Variants in CDH12 observed in about 807,000 individuals in gnomAD.
The protein encoded by CDH12 is cadherin 12.
Under a neutral mutation model 74.1 loss-of-function variants are expected in CDH12, and 41 were observed. The ratio of observed to expected loss-of-function variants is 0.55; its 90% CI spans 0.43 to 0.72. CDH12 has a LOEUF of 0.72. Ranked by LOEUF, CDH12 falls within the 30% of genes least tolerant of loss-of-function variation. The probability of loss-of-function intolerance (pLI) is 0.00; values close to 1 mark genes in which losing one functional copy is unlikely to be tolerated. For missense variants in CDH12, 945 were observed against 977.2 expected, an observed-to-expected ratio of 0.97 and a Z score of 0.44; for synonymous variants, 399 against 355.0, an observed-to-expected ratio of 1.12 and a Z score of -1.39.
At chr5:22,209,159 T>C (rs1751392747) in intron 4 of CDH12, among the ~76,000 whole-genome samples, 1 of 152,194 alleles carries the variant, frequency 6.6e-6, no homozygotes, top group Non-Finnish European at 1.5e-5. Context: ...TCCTTGGATA[T>C]GACAGCTAAT....
chr5:22,538,989 G>A (rs539422335), intron 1 of CDH12, among the ~76,000 whole-genome samples: 2 of 152,248 alleles, frequency 1.3e-5, no homozygotes, highest in Non-Finnish European at 2.9e-5. Context: ...TCAAACTCCT[G>A]GGCTCAAGTG....
chr5:22,549,827 A>G (rs1266955098), intron 1 of CDH12, among the ~76,000 whole-genome samples: 1 of 152,216 alleles, frequency 6.6e-6, no homozygotes, highest in Non-Finnish European at 1.5e-5. Context: ...GCTGAACTGA[A>G]AGGGAAATAT....
chr5:22,645,145 G>A (rs929563242), intron 1 of CDH12, among the ~76,000 whole-genome samples: 2 of 152,092 alleles, frequency 1.3e-5, no homozygotes, highest in East Asian at 3.9e-4. Flanking sequence ...TAAAGCAATA[G>A]TTGCCATAGA....
At position 22,338,173 on chromosome 5, in the gene CDH12, T is replaced by C. The variant is rs140218674; in HGVS notation, c.-333+67084A>G. On this transcript the variant is annotated intron_variant, in intron 3 of 14. Coordinates refer to ENST00000382254, the MANE Select transcript of CDH12 (RefSeq NM_004061.5). ...CTAAGATTTGGAAGAAACCTAAGTG[T>C]CCATCTACAGATGAACTGATTAAAA... is the stretch of plus-strand genomic sequence containing the variant. Among the ~76,000 whole-genome samples the C allele has an allele frequency of 8.5e-5, 13 of 152,294 alleles. No homozygotes were observed. In the East Asian group the frequency reaches 2.5e-3, roughly 29 times the overall value.
intron 2 of CDH12, among the ~76,000 whole-genome samples, chr5:22,408,257 G>A (rs1178679675): frequency 6.8e-6 from 1 of 147,162 alleles, no homozygotes; most frequent in Non-Finnish European, 1.5e-5. Flanking sequence ...CATAGATAGA[G>A]TTTCAGAGAC....
At chr5:22,658,994 A>C (rs1740209748) in intron 1 of CDH12, among the ~76,000 whole-genome samples, 1 of 152,168 alleles carries the variant, frequency 6.6e-6, no homozygotes, top group Non-Finnish European at 1.5e-5. Flanking sequence ...TGCAGTAACA[A>C]GTAAATTTAT....
chr5:21,880,687 C>CTTTCTTTCTTT (rs1752302497), intron 6 of CDH12, among the ~76,000 whole-genome samples: 1 of 106,724 alleles, frequency 9.4e-6, no homozygotes, highest in Middle Eastern at 5.3e-3. Flanking sequence ...TTCTTTCTTT[C>CTTTCTTTCTTT]TTTCTCTTTT....
intron 6 of CDH12, among the ~76,000 whole-genome samples, chr5:21,965,206 G>T (rs1756526664): frequency 6.6e-6 from 1 of 151,886 alleles, no homozygotes; most frequent in Non-Finnish European, 1.5e-5. Context: ...TAATCTTATA[G>T]CAAAGTTTCT....
At chr5:22,151,336 G>A (rs1391198590) in intron 4 of CDH12, among the ~76,000 whole-genome samples, 2 of 152,110 alleles carry the variant, frequency 1.3e-5, no homozygotes, top group East Asian at 1.9e-4. Context: ...CTGTAAGAAC[G>A]AGGCATTATG....
chr5:22,271,255 C>T (rs887878766), intron 3 of CDH12, among the ~76,000 whole-genome samples: 1 of 152,128 alleles, frequency 6.6e-6, no homozygotes, highest in Non-Finnish European at 1.5e-5. Flanking sequence ...TAGATTCTAG[C>T]TCAAGAAATC....
At chr5:21,955,101 T>C (rs1756035743) in intron 6 of CDH12, among the ~76,000 whole-genome samples, 1 of 152,064 alleles carries the variant, frequency 6.6e-6, no homozygotes, top group Non-Finnish European at 1.5e-5. Flanking sequence ...ATTTTCAGGT[T>C]CTGCGTTTGA....
chr5:21,808,236 C>G (rs780033566), intron 9 of CDH12, among the ~76,000 whole-genome samples: 21 of 152,024 alleles, frequency 1.4e-4, no homozygotes, highest in Admixed American at 6.6e-5. Flanking sequence ...ATCATAGCCC[C>G]AATCACGCCT....
intron 1 of CDH12, among the ~76,000 whole-genome samples, chr5:22,622,895 G>A (rs1409126622): frequency 6.6e-6 from 1 of 152,124 alleles, no homozygotes; most frequent in African/African-American, 2.4e-5. Context: ...CAATATCCCT[G>A]ATGAACATCG....
intron 8 of CDH12, among the ~76,000 whole-genome samples, chr5:21,833,244 A>ATG (rs1463535051): frequency 2.2e-5 from 1 of 46,206 alleles, no homozygotes; most frequent in Non-Finnish European, 3.1e-5. Context: ...TATAATATAT[A>ATG]TTATATATTA....
chr5:22,687,187 G>A (rs561620260), intron 1 of CDH12, among the ~76,000 whole-genome samples: 61 of 152,130 alleles, frequency 4.0e-4, no homozygotes, highest in African/African-American at 1.4e-3. Context: ...CCAGCCTCTC[G>A]GGAGGTTGAG....
intron 2 of CDH12, among the ~76,000 whole-genome samples, chr5:22,483,939 T>C (rs905552042): frequency 5.4e-5 from 8 of 149,402 alleles, no homozygotes; most frequent in African/African-American, 2.0e-4. Flanking sequence ...TCAGGGGCCA[T>C]ATAAGATCGG....
At chr5:22,521,286 G>T (rs1159884772) in intron 1 of CDH12, among the ~76,000 whole-genome samples, 2 of 151,756 alleles carry the variant, frequency 1.3e-5, no homozygotes, top group Non-Finnish European at 2.9e-5. Flanking sequence ...TAATATATAT[G>T]AATTGCATTT....
chr5:22,307,925 G>A (rs1405504334), intron 3 of CDH12, among the ~76,000 whole-genome samples: 2 of 110,260 alleles, frequency 1.8e-5, no homozygotes, highest in East Asian at 6.4e-4. Context: ...CTGTCGCCCA[G>A]GCTGGAGTGC....
intron 1 of CDH12, among the ~76,000 whole-genome samples, chr5:22,845,882 G>A (rs1353328026): frequency 1.3e-5 from 2 of 152,104 alleles, no homozygotes; most frequent in Non-Finnish European, 2.9e-5. Flanking sequence ...AGAAGGGAGA[G>A]TATAAAAGTA....
Sources: gnomAD v4.1 joint callset for allele counts (sites outside exome capture counted in the v4.1 genomes callset) on GRCh38, gnomAD v4.1.1 for gene constraint, MANE v1.5 for transcripts, NCBI Gene and HGNC (gene_info 2026-07-23, HGNC 2026-07-21) for gene names.